ROBO2: variants seen among roughly 807,000 people sequenced by gnomAD.
ROBO2 encodes roundabout homolog 2.
ROBO2 carries 53 observed loss-of-function variants against 160.8 expected under a neutral mutation model. The observed-to-expected ratio is 0.33, with a 90% CI of 0.26 to 0.41. The LOEUF (loss-of-function observed/expected upper bound fraction) is 0.41. Ranked by LOEUF, ROBO2 falls within the 10% of genes least tolerant of loss-of-function variation. The pLI, the probability that ROBO2 is intolerant of heterozygous loss-of-function variation, is 1.00. For missense variants in ROBO2, 1,577 were observed against 1,722.4 expected, an observed-to-expected ratio of 0.92 and a Z score of 1.49; for synonymous variants, 664 against 611.7, an observed-to-expected ratio of 1.09 and a Z score of -1.26.
chr3:76,062,375 C>T (rs144675589), intron 2 of ROBO2, among the ~76,000 whole-genome samples: 154 of 152,040 alleles, frequency 1.0e-3, no homozygotes, highest in African/African-American at 3.4e-3. Context: ...ATGTGCTGTC[C>T]GACTACTTCA....
chr3:77,514,344 T>C (rs1374019083), intron 5 of ROBO2, among the ~76,000 whole-genome samples: 10 of 151,746 alleles, frequency 6.6e-5, no homozygotes, highest in Admixed American at 3.3e-4. Context: ...AGGGTTACAT[T>C]TGGTGTTAGA....
Position 77,009,178 on chromosome 3 carries a change from A to G in ROBO2, c.110-88836A>G, listed in dbSNP as rs116103301. Among the ~76,000 whole-genome samples the G allele has an allele frequency of 5.2e-3, 794 of 152,302 alleles. 6 individuals carry two copies. The highest frequency in any genetic ancestry group is 0.018 in the African/African-American group (758 of 41,564). ...TGATCCTTGAAAAGACGTGACACAT[A>G]AATTGTAGCTATTCCCATTATCATT... On this transcript the variant is annotated intron_variant, in intron 2 of 26. Coordinates refer to the ROBO2 transcript ENST00000487694.
chr3:75,929,683 C>T (rs1222981312), intron 1 of ROBO2, among the ~76,000 whole-genome samples: 1 of 151,814 alleles, frequency 6.6e-6, no homozygotes, highest in Non-Finnish European at 1.5e-5. Context: ...AACAGACCTC[C>T]TTCCTGGGCA....
chr3:76,819,021 T>A (rs1005939475), intron 2 of ROBO2, among the ~76,000 whole-genome samples: 1 of 152,098 alleles, frequency 6.6e-6, no homozygotes, highest in Admixed American at 6.6e-5. Flanking sequence ...CCCAGGATAA[T>A]GCATAAAGGC....
At chr3:76,339,198 T>TC (rs2074067972) in intron 2 of ROBO2, among the ~76,000 whole-genome samples, 1 of 152,164 alleles carries the variant, frequency 6.6e-6, no homozygotes, top group South Asian at 2.1e-4. Flanking sequence ...TGGCATATTT[T>TC]CAAAATATTG....
intron 2 of ROBO2, among the ~76,000 whole-genome samples, chr3:76,273,454 A>G (rs1707721653): frequency 6.6e-6 from 1 of 152,030 alleles, no homozygotes; most frequent in African/African-American, 2.4e-5. Context: ...ACTGCCCGAG[A>G]CTGGGTAATT....
At chr3:77,372,596 C>T (rs2071934897) in intron 2 of ROBO2, among the ~76,000 whole-genome samples, 1 of 151,882 alleles carries the variant, frequency 6.6e-6, no homozygotes, top group Admixed American at 6.6e-5. Context: ...TTGCTTCTAC[C>T]AACTTTGTAA....
chr3:76,807,173 A>G (rs2064795319), intron 2 of ROBO2, among the ~76,000 whole-genome samples: 1 of 152,044 alleles, frequency 6.6e-6, no homozygotes, highest in Non-Finnish European at 1.5e-5. Context: ...AAATTGTAGA[A>G]TAATACATCT....
At chr3:75,924,688 T>TTC (rs1553701802) in intron 1 of ROBO2, among the ~76,000 whole-genome samples, 18 of 115,968 alleles carry the variant, frequency 1.6e-4, no homozygotes, top group African/African-American at 4.6e-4. Flanking sequence ...TTTCTTTTTT[T>TTC]TTTTTTTTTT....
At chr3:77,397,317 T>C (rs1304271705) in intron 2 of ROBO2, among the ~76,000 whole-genome samples, 3 of 152,186 alleles carry the variant, frequency 2.0e-5, no homozygotes, top group Non-Finnish European at 4.4e-5. Context: ...AACTCCTTTA[T>C]GGTTTCTAGA....
intron 2 of ROBO2, among the ~76,000 whole-genome samples, chr3:77,447,280 A>G (rs557236473): frequency 6.6e-6 from 1 of 152,232 alleles, no homozygotes; most frequent in South Asian, 2.1e-4. Flanking sequence ...TATTTTGGAT[A>G]CAACTTACTA....
chr3:77,356,717 C>G (rs1209310548), intron 2 of ROBO2, among the ~76,000 whole-genome samples: 1 of 152,090 alleles, frequency 6.6e-6, no homozygotes, highest in Non-Finnish European at 1.5e-5. Flanking sequence ...ACCATACAGT[C>G]TCAGGAAAGT....
chr3:77,394,928 A>G (rs780403900), intron 2 of ROBO2, among the ~76,000 whole-genome samples: 15 of 152,184 alleles, frequency 9.9e-5, no homozygotes, highest in Admixed American at 2.6e-4. Context: ...ATTATTCAAT[A>G]TAGAATTATT....
intron 19 of ROBO2, among the ~76,000 whole-genome samples, chr3:77,598,692 G>A (rs1302129329): frequency 3.3e-5 from 5 of 151,934 alleles, no homozygotes; most frequent in African/African-American, 1.2e-4. Flanking sequence ...TACTCTGGTA[G>A]TGGCTTCCTC....
chr3:77,361,893 A>T (rs1328931368), intron 2 of ROBO2, among the ~76,000 whole-genome samples: 1 of 152,164 alleles, frequency 6.6e-6, no homozygotes, highest in Non-Finnish European at 1.5e-5. Flanking sequence ...GTTAACTTTG[A>T]TTCATTAATT....
At chr3:77,445,439 C>A (rs2080374656) in intron 2 of ROBO2, among the ~76,000 whole-genome samples, 1 of 151,984 alleles carries the variant, frequency 6.6e-6, no homozygotes, top group African/African-American at 2.4e-5. Flanking sequence ...ACTTCCCTCT[C>A]CCAGTGATTA....
chr3:76,100,882 A>G (rs1169752315), intron 2 of ROBO2, among the ~76,000 whole-genome samples: 1 of 152,204 alleles, frequency 6.6e-6, no homozygotes, highest in Non-Finnish European at 1.5e-5. Flanking sequence ...TGTGCCTATG[A>G]TGTACCAAGT....
intron 2 of ROBO2, among the ~76,000 whole-genome samples, chr3:77,164,240 T>C (rs2078746137): frequency 6.6e-6 from 1 of 152,232 alleles, no homozygotes; most frequent in Non-Finnish European, 1.5e-5. Flanking sequence ...GGCATTTGTG[T>C]AAAAATTGAA....
intron 2 of ROBO2, among the ~76,000 whole-genome samples, chr3:76,186,529 C>T (rs1036641496): frequency 1.3e-5 from 2 of 151,716 alleles, no homozygotes; most frequent in Non-Finnish European, 1.5e-5. Flanking sequence ...GTTTTTCTCA[C>T]AAGAAATGCT....
Sources: gnomAD v4.1 joint callset for allele counts (sites outside exome capture counted in the v4.1 genomes callset) on GRCh38, gnomAD v4.1.1 for gene constraint, MANE v1.5 for transcripts, NCBI Gene and HGNC (gene_info 2026-07-23, HGNC 2026-07-21) for gene names.